Variants in FSD1 observed in about 807,000 individuals in gnomAD.
FSD1 encodes the protein fibronectin type III and SPRY domain-containing protein 1.
Under a neutral mutation model 58.2 loss-of-function variants are expected in FSD1, and 23 were observed. The ratio of observed to expected loss-of-function variants is 0.40; its 90% CI spans 0.28 to 0.56. The LOEUF (loss-of-function observed/expected upper bound fraction) is 0.56. FSD1 is among the 20% of genes least tolerant of loss of function. The pLI, the probability that FSD1 is intolerant of heterozygous loss-of-function variation, is 0.54. For synonymous variants in FSD1, 265 were observed against 263.4 expected (o/e 1.01, Z -0.06); for missense variants, 563 against 670.8 (o/e 0.84, Z 1.78).
chr19:4,320,083 G>GT (rs1299003879), intron 10 of FSD1, among the ~76,000 whole-genome samples: 2 of 152,072 alleles, frequency 1.3e-5, no homozygotes, highest in East Asian at 3.9e-4. Flanking sequence ...TGTGATGGAG[G>GT]TTTGAGGAAC....
Position 4,323,484 on chromosome 19 carries a change from G to A in FSD1, c.1380+48G>A, listed in dbSNP as rs566920821. On this transcript the variant is annotated intron_variant, in intron 12 of 12. Coordinates refer to ENST00000221856, the MANE Select transcript of FSD1 (RefSeq NM_024333.3). This position sits in a 1 kb window ranked among gnomAD's most constrained non-coding sequence, Gnocchi z 7.7. The stretch of plus-strand genomic sequence containing the variant: ...GGGGGAGGAGAGGGTGGTGCTGGGC[G>A]CTGGGGTTTGAAGCTGAGCCCCTCC... 3 of 1,595,274 alleles carry A rather than the reference G, an allele frequency of 1.9e-6. No individual in the cohort carries two copies. The highest frequency in any genetic ancestry group is 2.2e-5 in the South Asian group (2 of 90,322).
At position 4,317,188 on chromosome 19, in the gene FSD1, A is replaced by G. The variant is rs1247350239; in HGVS notation, c.707A>G (p.Lys236Arg). 2.5e-6 allele frequency: 4 copies of G among 1,603,068 alleles called. No homozygotes were observed. The highest frequency in any genetic ancestry group is 1.3e-5 in the African/African-American group (1 of 74,820). The change falls in exon 8 of 13, where the codon AAG becomes AGG. Residue 236 changes from lysine to arginine, a missense_variant. Transcript: ENST00000221856. ...RQTEYTLTGL[K>R]FDMKYMNFRV... is the part of the protein sequence containing the mutation. ...TGCCTCTCTTGCCTACCAGGTCTCA[A>G]GTTTGACATGAAATACATGAACTTC...
At chr19:4,321,037 G>GGGGAAAC in intron 10 of FSD1, among the ~76,000 whole-genome samples, 1 of 149,344 alleles carries the variant, frequency 6.7e-6, no homozygotes, top group South Asian at 2.2e-4. Context: ...GGAGTATCTG[G>GGGGAAAC]AGGGGAATCG....
Position 4,306,194 on chromosome 19 carries a change from C to A in FSD1, c.112-4C>A. Reference sequence around the variant, plus strand: ...TTTGGCCGATTCTGGCTGTTCCGACCCAGGCGAACTCGGCGAAGGTGCAGG... The same window carrying A: ...TTTGGCCGATTCTGGCTGTTCCGACACAGGCGAACTCGGCGAAGGTGCAGG... On this transcript the variant is annotated splice_region_variant and splice_polypyrimidine_tract_variant and intron_variant, in intron 2 of 12. Transcript: ENST00000221856. 6.2e-7 allele frequency: 1 copy of A among 1,613,840 alleles called. No individual in the cohort carries two copies.
At chr19:4,318,184 G>T (rs963081140) in intron 8 of FSD1, among the ~76,000 whole-genome samples, 162 bp from the exon 9 acceptor site, 7 of 151,174 alleles carry the variant, frequency 4.6e-5, no homozygotes, top group African/African-American at 1.7e-4. Context: ...TCTCTCCGAG[G>T]CTTCGTCAGT....
At chr19:4,313,509 C>G (rs988435538) in intron 7 of FSD1, among the ~76,000 whole-genome samples, 3 of 151,506 alleles carry the variant, frequency 2.0e-5, no homozygotes, top group South Asian at 2.1e-4. Context: ...CTTGAAGTCA[C>G]GAGATTGAGA....
At chr19:4,312,134 C>A in intron 7 of FSD1, 83 bp downstream of exon 7, 1 of 1,228,874 alleles carries the variant, frequency 8.1e-7, no homozygotes, top group Non-Finnish European at 1.1e-6. Context: ...TCACTGGGGG[C>A]CTTGGGGACG....
Position 4,312,173 on chromosome 19 carries a change from A to G in FSD1, c.700+122A>G, listed in dbSNP as rs1363367982. 38 of 866,922 alleles carry G rather than the reference A, an allele frequency of 4.4e-5. 1 individual carries two copies. The East Asian group carries it at 9.9e-4, about 23-fold the overall frequency. 53.7% of individuals were successfully genotyped at this position (866,922 alleles called of 1,614,324 possible). On this transcript the variant is annotated intron_variant, in intron 7 of 12. Coordinates refer to ENST00000221856, the MANE Select transcript of FSD1 (RefSeq NM_024333.3). ...CCCAAAGCTCATGGGGTCTGGAAGC[A>G]GCCTGGGGAGGTGGATCAGAAATAT... is the stretch of plus-strand genomic sequence containing the variant.
At position 4,318,324 on chromosome 19, in the gene FSD1, TCCCACGTCTGCCCGGCC is replaced by T. The variant is rs1318514861; in HGVS notation, c.800-19_800-3del. ...CTCCGGGTTTCCCCATCTCTGTGAC[TCCCACGTCTGCCCGGCC>T]CCAGCGTTCATGTTCCGCCTGGATG... On this transcript the variant is annotated splice_polypyrimidine_tract_variant and splice_region_variant and intron_variant, in intron 8 of 12. Coordinates refer to ENST00000221856, the MANE Select transcript of FSD1 (RefSeq NM_024333.3). 4 of 1,613,532 alleles carry T rather than the reference TCCCACGTCTGCCCGGCC, an allele frequency of 2.5e-6. No homozygotes were observed. Among genetic ancestry groups the T allele is most frequent in the Non-Finnish European group, 3.4e-6 (4 of 1,179,964 alleles).
intron 4 of FSD1, among the ~76,000 whole-genome samples, 158 bp from the exon 5 acceptor site, chr19:4,310,115 C>T (rs1971671852): frequency 6.6e-6 from 1 of 152,022 alleles, no homozygotes; most frequent in Non-Finnish European, 1.5e-5. Flanking sequence ...GTAATCCCAG[C>T]TACTCAGGAG....
intron 1 of FSD1, among the ~76,000 whole-genome samples, 166 bp downstream of exon 1, chr19:4,304,927 A>G (rs1468594957): frequency 8.7e-5 from 4 of 45,938 alleles, no homozygotes; most frequent in African/African-American, 3.6e-4. Flanking sequence ...CCCCTACCCC[A>G]GTTTGGGACG....
At chr19:4,306,751 GCC>G (rs976317366) in intron 3 of FSD1, among the ~76,000 whole-genome samples, 13 of 152,018 alleles carry the variant, frequency 8.6e-5, no homozygotes, top group African/African-American at 2.9e-4. Context: ...CCCGCGCCTG[GCC>G]CATCTGTGCT....
Position 4,310,511 on chromosome 19 carries a change from A to C in FSD1, c.405A>C (p.Lys135Asn). ...CCCCTGCCTTCCGGCTATCATTGAA[A>C]GCGAAGGTCAGTGACAACATGAGTC... ...TMAPAFRLSL[K>N]AKVSDNMSHL... Residue 135 changes from lysine (K) to asparagine (N), a missense_variant, in exon 6 of 13, where the codon AAA (lysine) becomes AAC (asparagine). Coordinates refer to ENST00000221856, the MANE Select transcript of FSD1 (RefSeq NM_024333.3). 1.2e-6 allele frequency: 2 copies of C among 1,613,644 alleles called. No individual in the cohort carries two copies. The highest frequency in any genetic ancestry group is 8.5e-7 in the Non-Finnish European group (1 of 1,179,672).
intron 7 of FSD1, among the ~76,000 whole-genome samples, chr19:4,313,345 A>C (rs1157300946): frequency 6.6e-6 from 1 of 151,154 alleles, no homozygotes; most frequent in Non-Finnish European, 1.5e-5. Flanking sequence ...TGTCTCTACT[A>C]AACAAAGAGA....
chr19:4,313,172 A>T (rs2144761824), intron 7 of FSD1, among the ~76,000 whole-genome samples: 1 of 149,160 alleles, frequency 6.7e-6, no homozygotes, highest in East Asian at 2.0e-4. Context: ...ACAAAGCAAG[A>T]GCCCATCTAT....
intron 7 of FSD1, among the ~76,000 whole-genome samples, chr19:4,316,702 G>T (rs1224686501): frequency 6.6e-6 from 1 of 151,952 alleles, no homozygotes; most frequent in Admixed American, 6.6e-5. Flanking sequence ...GCCCCTCAGG[G>T]AGAGGAGGGC....
rs1387107399 is a variant in FSD1 at position 4,305,888 on chromosome 19, A to G, written c.16-58A>G. 1.6e-5 allele frequency: 20 copies of G among 1,273,534 alleles called. No homozygotes were observed. The Admixed American group carries it at 2.9e-4, about 18-fold the overall frequency. 78.9% of individuals were successfully genotyped at this position (1,273,534 alleles called of 1,614,324 possible). A position where few individuals can be genotyped will look rare whatever the true frequency, so the allele number is the denominator to read the frequency against. Reference sequence around the variant, plus strand: ...TGTACATGTGCGTACACGTGTGTGTACCTGTGTGCGCACATGTGTGTGTGC... The same window carrying G: ...TGTACATGTGCGTACACGTGTGTGTGCCTGTGTGCGCACATGTGTGTGTGC... On this transcript the variant is annotated intron_variant, in intron 1 of 12. Transcript: ENST00000221856.
chr19:4,307,868 C>G lies in FSD1; in HGVS notation c.244-14C>G. On this transcript the variant is annotated splice_polypyrimidine_tract_variant and intron_variant, in intron 3 of 12. Transcript: ENST00000221856. Reference sequence around the variant, plus strand: ...GGGTGAGTTGTCCCCTCCTTTGGTGCCTGGTATCCACAGAACCAGCTGGCT... The same window carrying G: ...GGGTGAGTTGTCCCCTCCTTTGGTGGCTGGTATCCACAGAACCAGCTGGCT... The G allele has an allele frequency of 2.5e-6, 4 of 1,606,124 alleles. No individual in the cohort carries two copies. Among genetic ancestry groups the G allele is most frequent in the Non-Finnish European group, 3.4e-6 (4 of 1,175,130 alleles).
At chr19:4,310,681 G>A (rs1372642577) in intron 6 of FSD1, 85 bp downstream of exon 6, 4 of 1,469,834 alleles carry the variant, frequency 2.7e-6, no homozygotes, top group Non-Finnish European at 3.7e-6. Flanking sequence ...CCTGGAGTAT[G>A]GTGGACGACC....
Sources: allele counts gnomAD v4.1 joint callset (sites outside exome capture counted in the v4.1 genomes callset), GRCh38; gene constraint gnomAD v4.1.1; non-coding constraint Gnocchi (gnomAD v3.1); transcripts MANE v1.5; gene names NCBI Gene and HGNC (gene_info 2026-07-23, HGNC 2026-07-21).